The following IL21 variants were observed in gnomAD, a reference collection of about 807,000 sequenced individuals.
IL21 encodes the protein interleukin-21.
IL21 carries 3 observed loss-of-function variants against 18.4 expected under a neutral mutation model. The observed-to-expected ratio is 0.16, with a 90% CI of 0.07 to 0.42. The LOEUF (loss-of-function observed/expected upper bound fraction) is 0.42, where lower values mean the gene tolerates loss of function less well. Among genes scored for constraint, IL21 ranks in the 10% least tolerant of loss-of-function variants. IL21 has a pLI of 0.99. For missense variants in IL21, 130 were observed against 188.4 expected (o/e 0.69, Z 1.81); for synonymous variants, 37 against 62.0 (o/e 0.60, Z 1.90).
intron 3 of IL21, among the ~76,000 whole-genome samples, chr4:122,613,224 TTAACA>T (rs1412004482): frequency 6.7e-6 from 1 of 148,550 alleles, no homozygotes; most frequent in African/African-American, 2.6e-5. Context: ...TTTTTCACAC[TTAACA>T]TATCACAGGA....
At chr4:122,613,923 T>C (rs1343048675) in intron 3 of IL21, among the ~76,000 whole-genome samples, 3 of 152,196 alleles carry the variant, frequency 2.0e-5, no homozygotes, top group Admixed American at 6.5e-5. Context: ...ACTAGGGAGA[T>C]TGAACAGTTT....
chr4:122,616,812 G>C (rs1300302921), intron 2 of IL21, among the ~76,000 whole-genome samples: 1 of 152,150 alleles, frequency 6.6e-6, no homozygotes, highest in Non-Finnish European at 1.5e-5. Flanking sequence ...CAGGTGACTT[G>C]TATCCAACTT....
chr4:122,619,352 A>T (rs1388070096), intron 2 of IL21: 1 of 152,214 alleles, frequency 6.6e-6, no homozygotes, highest in East Asian at 1.9e-4. Flanking sequence ...CTTATATCAT[A>T]GCCAGCATTG....
rs192726246 is a variant in IL21 at position 122,611,433 on chromosome 4, C to T, written c.*1277G>A. Among the ~76,000 whole-genome samples, 374 of 152,250 alleles carry T rather than the reference C, an allele frequency of 2.5e-3. 3 individuals are homozygous for T. The highest frequency in any genetic ancestry group is 8.3e-3 in the African/African-American group (346 of 41,546). ...TCTCAGAGCATAAAGCATTTCTCAT[C>T]CCACATCCTCTTGCATAATCACAAC... is the stretch of plus-strand genomic sequence containing the variant. On this transcript the variant is annotated 3_prime_UTR_variant, in exon 5 of 5. Coordinates refer to ENST00000648588, the MANE Select transcript of IL21 (RefSeq NM_021803.4).
chr4:122,612,974 G>T (rs550624733), intron 3 of IL21, 46 bp from the exon 4 acceptor site: 6 of 1,221,282 alleles, frequency 4.9e-6, no homozygotes, highest in Non-Finnish European at 5.7e-6. Flanking sequence ...AATTTTTTTC[G>T]TAATAAAATG....
chr4:122,614,687 C>G (rs541862831), intron 3 of IL21, among the ~76,000 whole-genome samples: 11 of 152,102 alleles, frequency 7.2e-5, no homozygotes, highest in African/African-American at 2.4e-4. Context: ...GCATGGGCGA[C>G]AGACTGAGAC....
intron 3 of IL21, among the ~76,000 whole-genome samples, chr4:122,614,198 T>G (rs1388614934): frequency 1.3e-5 from 2 of 152,140 alleles, no homozygotes. Flanking sequence ...ATGAACATGC[T>G]TAACTGGAGA....
Position 122,620,753 on chromosome 4 carries a change from T to C in IL21, c.169-17A>G, listed in dbSNP as rs775750059. ...TTCAGGGACCTAGAGCAAAAGAAAATTTGTTCTGAGTTATTTTTATAAGCC... is the reference window on the plus strand; with the variant it reads ...TTCAGGGACCTAGAGCAAAAGAAAACTTGTTCTGAGTTATTTTTATAAGCC... On this transcript the variant is annotated splice_polypyrimidine_tract_variant and intron_variant, in intron 1 of 4. Coordinates refer to ENST00000648588, the MANE Select transcript of IL21 (RefSeq NM_021803.4). 2 of 1,613,388 alleles carry C rather than the reference T, an allele frequency of 1.2e-6. No individual in the cohort carries two copies. Among genetic ancestry groups the C allele is most frequent in the South Asian group, 2.2e-5 (2 of 90,960 alleles).
chr4:122,620,623 A>G, intron 2 of IL21, 78 bp downstream of exon 2: 1 of 1,201,008 alleles, frequency 8.3e-7, no homozygotes, highest in Non-Finnish European at 1.2e-6. Flanking sequence ...CTCCTATATA[A>G]TCATGCTAAT....
rs1799254782 is a variant in IL21, at chr4:122,610,794, G to A, written c.*1916C>T. Among the ~76,000 whole-genome samples, 1 of 152,148 alleles carries A rather than the reference G, an allele frequency of 6.6e-6. No homozygotes were observed. Among genetic ancestry groups the A allele is most frequent in the African/African-American group, 2.4e-5 (1 of 41,444 alleles). On this transcript the variant is annotated 3_prime_UTR_variant, in exon 5 of 5. Transcript: ENST00000648588. ...CTGGCCATCTTGAACATAGAGCAGT[G>A]AAGATGGAGCTGTTCAAGTCTCACT...
At chr4:122,615,603 G>GGT (rs1396334247) in intron 3 of IL21, 79 bp downstream of exon 3, 4 of 1,292,210 alleles carry the variant, frequency 3.1e-6, no homozygotes, top group Non-Finnish European at 4.3e-6. Flanking sequence ...CCTGGCTACA[G>GGT]GTGTGTGTGT....
Position 122,615,556 on chromosome 4 carries a change from A to G in IL21, c.360+126T>C, listed in dbSNP as rs974171200. On this transcript the variant is annotated intron_variant, in intron 3 of 4. Coordinates refer to ENST00000648588, the MANE Select transcript of IL21 (RefSeq NM_021803.4). The stretch of plus-strand genomic sequence containing the variant: ...AAAAAAAAAAAAAGCACCATGTATA[A>G]TAAGGCATAACTATAGGTAAGGAAG... The G allele has an allele frequency of 1.1e-4, 85 of 797,736 alleles. No homozygotes were observed. The Admixed American group carries it at 1.5e-3, about 14-fold the overall frequency. The allele number at this position is 797,736 out of a possible 1,614,324, so 49.4% of individuals were successfully genotyped here.
At chr4:122,613,218 TC>T (rs1553934147) in intron 3 of IL21, among the ~76,000 whole-genome samples, 1 of 151,768 alleles carries the variant, frequency 6.6e-6, no homozygotes, top group African/African-American at 2.4e-5. Context: ...TTTTTTTTTT[TC>T]ACACTTAACA....
At chr4:122,615,527 T>TAAA (rs10530157) in intron 3 of IL21, among the ~76,000 whole-genome samples, 155 bp downstream of exon 3, 5 of 143,234 alleles carry the variant, frequency 3.5e-5, no homozygotes, top group Admixed American at 2.8e-4. Flanking sequence ...GACTCTGTCT[T>TAAA]AAAAAAAAAA....
Position 122,615,836 on chromosome 4 carries a change from G to T in IL21, c.206C>A (p.Thr69Lys), listed in dbSNP as rs752777569. ...GGAAAAAGCTGACCACTCACAGTTT[G>T]TCTGAAAGATAAACAATTTGTATAT... ...EFLPAPEDVETNCEWSAFSCF... is the reference protein window; with the variant it reads ...EFLPAPEDVEKNCEWSAFSCF... The change falls in exon 3 of 5, where the codon ACA (threonine) becomes AAA (lysine). Residue 69 changes from threonine (T) to lysine (K), a missense_variant and splice_region_variant. Physicochemically the swap from Thr to Lys is moderately conservative, Grantham distance 78. Transcript: ENST00000648588. 16 of 1,604,012 alleles carry T rather than the reference G, an allele frequency of 1.0e-5. No individual in the cohort carries two copies. The highest frequency in any genetic ancestry group is 1.4e-5 in the Non-Finnish European group (16 of 1,175,808).
Position 122,620,699 on chromosome 4 carries a change from A to T in IL21, c.204+2T>A. On this transcript the variant is annotated splice_donor_variant, in intron 2 of 4. Transcript: ENST00000648588. LOFTEE classifies it high-confidence loss of function. ...TTCAGAAATAAATTCAACTGGTCTT[A>T]CCTCTACATCTTCTGGAGCTGGCAG... 6.2e-7 allele frequency: 1 copy of T among 1,612,250 alleles called. No homozygotes were observed. Among genetic ancestry groups the T allele is most frequent in the Non-Finnish European group, 8.5e-7 (1 of 1,179,344 alleles).
chr4:122,617,254 A>G (rs993935715), intron 2 of IL21, among the ~76,000 whole-genome samples: 4 of 152,228 alleles, frequency 2.6e-5, no homozygotes, highest in Non-Finnish European at 4.4e-5. Context: ...ATAAATGTTC[A>G]ATATAGCACT....
chr4:122,616,820 C>T (rs1421090094), intron 2 of IL21, among the ~76,000 whole-genome samples: 2 of 152,188 alleles, frequency 1.3e-5, no homozygotes, highest in Non-Finnish European at 2.9e-5. Context: ...TTGTATCCAA[C>T]TTACTTTTTT....
At position 122,615,643 on chromosome 4, in the gene IL21, A is replaced by G. The variant is rs551455524; in HGVS notation, c.360+39T>C. On this transcript the variant is annotated intron_variant, in intron 3 of 4. Transcript: ENST00000648588. ...TTATGTAATGCAAGATATATAGTTT[A>G]TAAGTACAAATAAGAGAGATGACAA... 1.0e-5 allele frequency: 16 copies of G among 1,576,022 alleles called. No homozygotes were observed. In the East Asian group the frequency reaches 3.4e-4, roughly 33 times the overall value.
Sources: allele counts gnomAD v4.1 joint callset (sites outside exome capture counted in the v4.1 genomes callset), GRCh38; gene constraint gnomAD v4.1.1; transcripts MANE v1.5; gene names NCBI Gene and HGNC (gene_info 2026-07-23, HGNC 2026-07-21).